Variants in SYT2 observed in about 807,000 individuals in gnomAD.
The protein encoded by SYT2 is synaptotagmin 2.
SYT2 carries 15 observed loss-of-function variants against 39.9 expected under a neutral mutation model. That is an observed-to-expected ratio of 0.38 (90% CI 0.25 to 0.58). The LOEUF (loss-of-function observed/expected upper bound fraction) is 0.58. Among genes scored for constraint, SYT2 ranks in the 20% least tolerant of loss-of-function variants. SYT2 has a pLI of 0.70. For synonymous variants in SYT2, 181 were observed against 204.5 expected (o/e 0.89, Z 0.98); for missense variants, 389 against 530.3 (o/e 0.73, Z 2.62).
chr1:202,616,869 C>T (rs568561948), intron 1 of SYT2, among the ~76,000 whole-genome samples: 9 of 152,324 alleles, frequency 5.9e-5, no homozygotes, highest in East Asian at 1.9e-4. Flanking sequence ...AAGCCACTTC[C>T]GAGCTCCAGG....
intron 1 of SYT2, among the ~76,000 whole-genome samples, chr1:202,690,673 C>T (rs372286839): frequency 1.6e-4 from 24 of 152,310 alleles, no homozygotes; most frequent in South Asian, 6.2e-4. Flanking sequence ...AATATTCATT[C>T]GACAACTATT....
chr1:202,692,872 C>A (rs1380345883), intron 1 of SYT2, among the ~76,000 whole-genome samples: 1 of 151,738 alleles, frequency 6.6e-6, no homozygotes, highest in East Asian at 1.9e-4. Flanking sequence ...CCAGCCTGGG[C>A]AACATAGTGA....
At chr1:202,602,571 G>C (rs78029290) in intron 4 of SYT2, 26 bp from the exon 5 acceptor site, 2 of 1,600,900 alleles carry the variant, frequency 1.2e-6, no homozygotes, top group African/African-American at 1.3e-5. Context: ...GGGAGAAGGG[G>C]CCTGAGTCTC....
intron 1 of SYT2, among the ~76,000 whole-genome samples, chr1:202,695,625 A>G (rs1281333825): frequency 6.6e-6 from 1 of 152,242 alleles, no homozygotes; most frequent in Non-Finnish European, 1.5e-5. Flanking sequence ...GGGATAGTTT[A>G]TGGTCAAAAA....
intron 1 of SYT2, among the ~76,000 whole-genome samples, chr1:202,640,314 G>T (rs1691867998): frequency 6.9e-6 from 1 of 144,222 alleles, no homozygotes; most frequent in Non-Finnish European, 1.5e-5. Context: ...AAGCCAGAAG[G>T]ACTTTGGGTC....
chr1:202,679,285 G>A (rs1438811204), intron 1 of SYT2, among the ~76,000 whole-genome samples: 1 of 152,054 alleles, frequency 6.6e-6, no homozygotes, highest in African/African-American at 2.4e-5. Flanking sequence ...TTCTCCTAGG[G>A]CTTGGGCCTC....
intron 1 of SYT2, among the ~76,000 whole-genome samples, chr1:202,702,418 G>A (rs1481064163): frequency 6.6e-6 from 1 of 152,150 alleles, no homozygotes; most frequent in East Asian, 1.9e-4. Flanking sequence ...TTTCCTACTC[G>A]TGGGAGAGTC....
In SYT2 at chr1:202,667,466, CGTGTGTGTGTGTGTGTGT is replaced by C. The variant is rs35072265; in HGVS notation, c.-18+42774_-18+42791del. On this transcript the variant is annotated intron_variant, in intron 1 of 8. Coordinates refer to ENST00000367268, the MANE Select transcript of SYT2 (RefSeq NM_177402.5). ...TAAAGACAACAGGCAAGTGACCAGC[CGTGTGTGTGTGTGTGTGT>C]GTGTGTGTGTGTGTGTGTGTGTGTG... Among the ~76,000 whole-genome samples, 137 of 140,830 alleles carry C rather than the reference CGTGTGTGTGTGTGTGTGT, an allele frequency of 9.7e-4. 2 individuals carry two copies. Among genetic ancestry groups the C allele is most frequent in the African/African-American group, 2.6e-3 (94 of 36,466 alleles). 92.4% of individuals were successfully genotyped at this position (140,830 alleles called of 152,430 possible). A position where few individuals can be genotyped will look rare whatever the true frequency, so the allele number is the denominator to read the frequency against.
In SYT2 at chr1:202,641,289, C is replaced by T. The variant is rs527629828; in HGVS notation, c.-17-35500G>A. Among the ~76,000 whole-genome samples, 4 of 152,202 alleles carry T rather than the reference C, an allele frequency of 2.6e-5. No individual in the cohort carries two copies. In the East Asian group the frequency reaches 7.7e-4, roughly 29 times the overall value. On this transcript the variant is annotated intron_variant, in intron 1 of 8. Transcript: ENST00000367268. ...TGGGAGGGCAATGCATTGGGAATTCCTGGAGACCACCTGCTCCCATCACCC... is the reference window on the plus strand; with the variant it reads ...TGGGAGGGCAATGCATTGGGAATTCTTGGAGACCACCTGCTCCCATCACCC...
intron 1 of SYT2, among the ~76,000 whole-genome samples, chr1:202,641,993 A>G (rs1691928642): frequency 7.8e-6 from 1 of 128,934 alleles, no homozygotes; most frequent in Admixed American, 8.2e-5. Flanking sequence ...GGGGAGCTAC[A>G]GTCTTCCCAG....
chr1:202,675,715 C>T (rs1023089007), intron 1 of SYT2, among the ~76,000 whole-genome samples: 4 of 152,140 alleles, frequency 2.6e-5, no homozygotes, highest in Non-Finnish European at 5.9e-5. Context: ...TGGCTGGTTC[C>T]CTTCCACCTT....
chr1:202,646,906 G>T (rs574867600), intron 1 of SYT2, among the ~76,000 whole-genome samples: 1 of 152,136 alleles, frequency 6.6e-6, no homozygotes, highest in Admixed American at 6.5e-5. Flanking sequence ...CTCCCTCTAG[G>T]CTTCCTGGAC....
At chr1:202,655,255 G>A (rs966703069) in intron 1 of SYT2, among the ~76,000 whole-genome samples, 3 of 152,124 alleles carry the variant, frequency 2.0e-5, no homozygotes, top group African/African-American at 7.2e-5. Context: ...TGGCCATTTC[G>A]GACAGCAGGA....
Position 202,694,376 on chromosome 1 carries a change from CTG to C in SYT2, c.-18+15880_-18+15881del, listed in dbSNP as rs779888019. ...TCCCTTCAATATTGAGGGTGGATGA[CTG>C]TGGCTTGCTGGCAGGGCAAATGTTC... On this transcript the variant is annotated intron_variant, in intron 1 of 8. Coordinates refer to ENST00000367268, the MANE Select transcript of SYT2 (RefSeq NM_177402.5). 4.3e-4 allele frequency among the ~76,000 whole-genome samples: 66 copies of C among 152,188 alleles called. 1 individual carries two copies. The highest frequency in any genetic ancestry group is 1.7e-3 in the Admixed American group (26 of 15,280).
rs199588874 is a variant in SYT2, at chr1:202,596,298, C to T, written c.*459G>A. 0.12 allele frequency: 9,432 copies of T among 79,170 alleles called. 443 individuals carry two copies. Among genetic ancestry groups the T allele is most frequent in the East Asian group, 0.32 (1,116 of 3,498 alleles). The allele number at this position is 79,170 out of a possible 1,614,324, so 4.9% of individuals were successfully genotyped here. ...ACACACACACACACACACACACACA[C>T]ACACACACATACACACACACACACA... is the stretch of plus-strand genomic sequence containing the variant. On this transcript the variant is annotated 3_prime_UTR_variant, in exon 9 of 9. Transcript: ENST00000367268.
Position 202,607,171 on chromosome 1 carries a change from C to T in SYT2, c.-17-1382G>A, listed in dbSNP as rs2149073547. ...TCTTTCTGCTCCTCAGGGCTATGCA[C>T]TTATTTCTCAACTGAAAGTCCCATG... is the stretch of plus-strand genomic sequence containing the variant. On this transcript the variant is annotated intron_variant, in intron 1 of 8. Transcript: ENST00000367268. Among the ~76,000 whole-genome samples the T allele has an allele frequency of 1.3e-5, 2 of 152,296 alleles. 1 individual carries two copies. Among genetic ancestry groups the T allele is most frequent in the Non-Finnish European group, 2.9e-5 (2 of 68,034 alleles).
intron 1 of SYT2, among the ~76,000 whole-genome samples, chr1:202,617,645 G>A (rs371423360): frequency 5.8e-4 from 88 of 152,116 alleles, no homozygotes; most frequent in African/African-American, 2.0e-3. Flanking sequence ...TTCCAAGAAC[G>A]CCTTCCTCCC....
chr1:202,596,538 A>T lies in SYT2; in HGVS notation c.*219T>A, dbSNP rs1690303291. ...AGCAAGGACAGCTCCTGGGACCGTGAACAGAGCCAGGCTTCTCTTTCACCT... is the reference window on the plus strand; with the variant it reads ...AGCAAGGACAGCTCCTGGGACCGTGTACAGAGCCAGGCTTCTCTTTCACCT... On this transcript the variant is annotated 3_prime_UTR_variant, in exon 9 of 9. Transcript: ENST00000367268. 1.9e-6 allele frequency: 1 copy of T among 532,530 alleles called. No individual in the cohort carries two copies. The highest frequency in any genetic ancestry group is 3.5e-5 in the Admixed American group (1 of 28,466). The allele number at this position is 532,530 out of a possible 1,614,324, so 33.0% of individuals were successfully genotyped here. A position where few individuals can be genotyped will look rare whatever the true frequency, so the allele number is the denominator to read the frequency against.
chr1:202,683,311 C>G (rs1376120958), intron 1 of SYT2, among the ~76,000 whole-genome samples: 1 of 152,204 alleles, frequency 6.6e-6, no homozygotes, highest in African/African-American at 2.4e-5. Flanking sequence ...ATGTCATTAA[C>G]AGTGGAATGG....
Sources: allele counts gnomAD v4.1 joint callset (sites outside exome capture counted in the v4.1 genomes callset), GRCh38; gene constraint gnomAD v4.1.1; transcripts MANE v1.5; gene names NCBI Gene and HGNC (gene_info 2026-07-23, HGNC 2026-07-21).